SPOCK3: variants seen among roughly 807,000 people sequenced by gnomAD.
The protein encoded by SPOCK3 is testican-3.
SPOCK3 carries 30 observed loss-of-function variants against 56.6 expected under a neutral mutation model. The ratio of observed to expected loss-of-function variants is 0.53; its 90% CI spans 0.40 to 0.72. SPOCK3 has a LOEUF of 0.72. Ranked by LOEUF, SPOCK3 falls within the 30% of genes least tolerant of loss-of-function variation. SPOCK3 has a pLI of 0.00. For synonymous variants in SPOCK3, 196 were observed against 183.3 expected (o/e 1.07, Z -0.56); for missense variants, 527 against 530.0 (o/e 0.99, Z 0.06).
intron 3 of SPOCK3, among the ~76,000 whole-genome samples, chr4:167,049,243 CTACT>C (rs1301608331): frequency 4.0e-5 from 6 of 151,842 alleles, no homozygotes; most frequent in Non-Finnish European, 7.4e-5. Context: ...AGTTATTTCC[CTACT>C]TACTAACAAA....
At chr4:167,112,712 G>T (rs1341700367) in intron 2 of SPOCK3, among the ~76,000 whole-genome samples, 1 of 152,028 alleles carries the variant, frequency 6.6e-6, no homozygotes, top group Non-Finnish European at 1.5e-5. Context: ...AAGAAATGAG[G>T]TTTGGAAGAA....
At chr4:166,923,428 C>A (rs953989745) in intron 4 of SPOCK3, among the ~76,000 whole-genome samples, 5 of 152,166 alleles carry the variant, frequency 3.3e-5, no homozygotes, top group Admixed American at 3.3e-4. Context: ...ATTTAGCTCA[C>A]AACAGGGAGA....
intron 3 of SPOCK3, among the ~76,000 whole-genome samples, chr4:167,017,415 G>T (rs796136301): frequency 2.5e-4 from 38 of 152,214 alleles, no homozygotes; most frequent in African/African-American, 7.0e-4. Context: ...AGAGCCACTA[G>T]GGCTTGGCAT....
At chr4:167,137,488 A>C (rs2150393008) in intron 2 of SPOCK3, among the ~76,000 whole-genome samples, 1 of 152,146 alleles carries the variant, frequency 6.6e-6, no homozygotes, top group African/African-American at 2.4e-5. Context: ...AAACCCTATT[A>C]CTTTTATTGA....
In SPOCK3 at chr4:166,945,845, T is replaced by C. The variant is rs74801480; in HGVS notation, c.351-33102A>G. 5.5e-3 allele frequency among the ~76,000 whole-genome samples: 839 copies of C among 152,268 alleles called. 6 individuals carry two copies. The highest frequency in any genetic ancestry group is 8.0e-3 in the Non-Finnish European group (542 of 68,012). On this transcript the variant is annotated intron_variant, in intron 4 of 10. Transcript: ENST00000357545. Reference sequence around the variant, plus strand: ...TTTCCCTCCTTACCCTACATGGGAATTGATACTTCGTTCCGAGCCTTCACA... The same window carrying C: ...TTTCCCTCCTTACCCTACATGGGAACTGATACTTCGTTCCGAGCCTTCACA...
chr4:167,026,013 CAT>C (rs1751668019), intron 3 of SPOCK3, among the ~76,000 whole-genome samples: 1 of 152,038 alleles, frequency 6.6e-6, no homozygotes, highest in Non-Finnish European at 1.5e-5. Context: ...CATATCTAAA[CAT>C]AGAAAAGGTG....
At chr4:166,867,834 C>G (rs1050323992) in intron 6 of SPOCK3, among the ~76,000 whole-genome samples, 1 of 151,606 alleles carries the variant, frequency 6.6e-6, no homozygotes, top group African/African-American at 2.4e-5. Flanking sequence ...TTGAGAAACA[C>G]ATTATGTTGA....
intron 7 of SPOCK3, among the ~76,000 whole-genome samples, chr4:166,780,587 A>G (rs1257789658): frequency 6.6e-6 from 1 of 152,092 alleles, no homozygotes; most frequent in Admixed American, 6.6e-5. Flanking sequence ...ATAGGTGAGG[A>G]TCCCTTGCAC....
At chr4:167,157,553 T>C (rs1024166502) in intron 2 of SPOCK3, among the ~76,000 whole-genome samples, 5 of 151,606 alleles carry the variant, frequency 3.3e-5, no homozygotes, top group African/African-American at 9.7e-5. Flanking sequence ...TCTGGAAAAA[T>C]GTCACATATT....
At chr4:166,824,943 A>C (rs2126773867) in intron 6 of SPOCK3, among the ~76,000 whole-genome samples, 1 of 152,246 alleles carries the variant, frequency 6.6e-6, no homozygotes, top group Admixed American at 6.5e-5. Context: ...TATGAAGATG[A>C]ATACATGAAA....
At chr4:167,056,247 C>T (rs1485053321) in intron 3 of SPOCK3, among the ~76,000 whole-genome samples, 1 of 152,126 alleles carries the variant, frequency 6.6e-6, no homozygotes. Flanking sequence ...GAGGGTCCTG[C>T]CTGTTAGAAG....
chr4:167,053,299 C>T (rs545835526), intron 3 of SPOCK3, among the ~76,000 whole-genome samples: 19 of 152,086 alleles, frequency 1.2e-4, no homozygotes, highest in Non-Finnish European at 2.4e-4. Context: ...GTTTAGCTGC[C>T]GTGTATCTGT....
intron 2 of SPOCK3, among the ~76,000 whole-genome samples, chr4:167,074,003 C>A (rs961487542): frequency 2.0e-5 from 3 of 151,174 alleles, no homozygotes; most frequent in Non-Finnish European, 4.4e-5. Flanking sequence ...TTTTAGATTT[C>A]ACTTTTTTCA....
intron 3 of SPOCK3, among the ~76,000 whole-genome samples, chr4:167,022,493 CTGAG>C (rs1751287301): frequency 6.6e-6 from 1 of 151,982 alleles, no homozygotes; most frequent in Admixed American, 6.6e-5. Flanking sequence ...GACAAATACA[CTGAG>C]TGAGTGACTC....
Position 166,912,763 on chromosome 4 carries a change from A to C in SPOCK3, c.351-20T>G. On this transcript the variant is annotated intron_variant, in intron 4 of 10. Transcript: ENST00000357545. ...TTCATCCTGTTAAAAAAATAAAGCAAGCATATTGAGCATATTTATTTTAAA... is the reference window on the plus strand; with the variant it reads ...TTCATCCTGTTAAAAAAATAAAGCACGCATATTGAGCATATTTATTTTAAA... The C allele has an allele frequency of 6.4e-7, 1 of 1,571,454 alleles. No individual in the cohort carries two copies. The highest frequency in any genetic ancestry group is 8.6e-7 in the Non-Finnish European group (1 of 1,164,128).
chr4:166,866,116 A>T (rs925893930), intron 6 of SPOCK3, among the ~76,000 whole-genome samples: 1 of 152,150 alleles, frequency 6.6e-6, no homozygotes, highest in African/African-American at 2.4e-5. Flanking sequence ...GGGGCCTCAG[A>T]AATAACACCA....
intron 7 of SPOCK3, among the ~76,000 whole-genome samples, chr4:166,770,474 C>G (rs182373422): frequency 6.6e-6 from 1 of 152,254 alleles, no homozygotes; most frequent in Admixed American, 6.5e-5. Context: ...TGTAATATAT[C>G]AGGTCCTGAG....
intron 3 of SPOCK3, among the ~76,000 whole-genome samples, chr4:167,025,259 G>A (rs1263557472): frequency 6.6e-6 from 1 of 150,790 alleles, no homozygotes; most frequent in Non-Finnish European, 1.5e-5. Context: ...CCCATCTGCA[G>A]ATGGTTTCAC....
chr4:166,835,826 C>T (rs1041516567), intron 6 of SPOCK3, among the ~76,000 whole-genome samples: 6 of 152,044 alleles, frequency 3.9e-5, no homozygotes, highest in African/African-American at 1.4e-4. Context: ...ATGGAGAAAC[C>T]CTGTCTCCAC....
Sources: allele counts gnomAD v4.1 joint callset (sites outside exome capture counted in the v4.1 genomes callset), GRCh38; gene constraint gnomAD v4.1.1; transcripts MANE v1.5; gene names NCBI Gene and HGNC (gene_info 2026-07-23, HGNC 2026-07-21).